Variants in MED12L observed in about 807,000 individuals in gnomAD.
MED12L encodes mediator complex subunit 12L.
A neutral mutation model predicts 281.3 loss-of-function variants in MED12L; 60 were observed. That is an observed-to-expected ratio of 0.21 (90% CI 0.17 to 0.26). The LOEUF (loss-of-function observed/expected upper bound fraction) is 0.26, where lower values mean the gene tolerates loss of function less well. MED12L is among the 10% of genes least tolerant of loss of function. MED12L has a pLI of 1.00. For synonymous variants in MED12L, 974 were observed against 987.2 expected (o/e 0.99, Z 0.25); for missense variants, 2,146 against 2,680.9 (o/e 0.80, Z 4.41).
intron 2 of MED12L, among the ~76,000 whole-genome samples, chr3:151,089,934 A>G (rs546256689): frequency 6.6e-5 from 10 of 152,310 alleles, no homozygotes; most frequent in Admixed American, 3.3e-4. Flanking sequence ...CATCCTGTTC[A>G]GTTCCAAAAT....
chr3:151,355,603 T>G (rs1202200366), intron 18 of MED12L, among the ~76,000 whole-genome samples: 1 of 152,218 alleles, frequency 6.6e-6, no homozygotes, highest in African/African-American at 2.4e-5. Context: ...GCTTTACAAA[T>G]CCATTGATAT....
At chr3:151,250,625 A>G (rs1021233910) in intron 16 of MED12L, among the ~76,000 whole-genome samples, 4 of 152,200 alleles carry the variant, frequency 2.6e-5, no homozygotes, top group African/African-American at 9.6e-5. Context: ...AAGACTGAAT[A>G]ATATTCCGCT....
At chr3:151,343,369 G>A (rs1226699598) in intron 16 of MED12L, among the ~76,000 whole-genome samples, 1 of 152,178 alleles carries the variant, frequency 6.6e-6, no homozygotes, top group South Asian at 2.1e-4. Context: ...GAGATTTGAG[G>A]GATAAAAGAA....
In MED12L at chr3:151,372,880, T is replaced by G. The variant is rs931761472; in HGVS notation, c.3864+114T>G. The G allele has an allele frequency of 5.6e-6, 4 of 710,500 alleles. No homozygotes were observed. The South Asian group carries it at 8.5e-5, about 15-fold the overall frequency. The allele number at this position is 710,500 out of a possible 1,614,324, so 44.0% of individuals were successfully genotyped here. ...GTGGGCCTTTTTTTCTTGCTCACTT[T>G]ATTTCGAAATAATTTTAAGTTTGCT... is the stretch of plus-strand genomic sequence containing the variant. On this transcript the variant is annotated intron_variant, in intron 27 of 44. Transcript: ENST00000687756.
chr3:151,104,703 A>G (rs1455188497), intron 2 of MED12L, among the ~76,000 whole-genome samples: 1 of 152,162 alleles, frequency 6.6e-6, no homozygotes, highest in African/African-American at 2.4e-5. Context: ...AGCAATGGAC[A>G]TTTATTCTCT....
chr3:151,120,728 G>A (rs1713633836), intron 3 of MED12L, among the ~76,000 whole-genome samples: 1 of 152,222 alleles, frequency 6.6e-6, no homozygotes, highest in Admixed American at 6.5e-5. Flanking sequence ...TAGACATTGG[G>A]ACTTGGGAAT....
chr3:151,229,629 C>T (rs2149316477), intron 16 of MED12L, among the ~76,000 whole-genome samples: 1 of 152,156 alleles, frequency 6.6e-6, no homozygotes, highest in South Asian at 2.1e-4. Context: ...CAGGCGCCCA[C>T]CACCATGCCT....
chr3:151,194,890 C>T (rs751957919), intron 16 of MED12L, among the ~76,000 whole-genome samples: 10 of 152,064 alleles, frequency 6.6e-5, no homozygotes, highest in Non-Finnish European at 1.0e-4. Flanking sequence ...TTGGGCCGGG[C>T]GCGGTGGCTC....
intron 42 of MED12L, among the ~76,000 whole-genome samples, chr3:151,414,636 C>T (rs1326188812): frequency 6.6e-6 from 1 of 152,054 alleles, no homozygotes; most frequent in Non-Finnish European, 1.5e-5. Flanking sequence ...TGGAACTGGG[C>T]TTCCCAATTA....
At chr3:151,172,757 G>A (rs1188932338) in intron 11 of MED12L, among the ~76,000 whole-genome samples, 3 of 152,236 alleles carry the variant, frequency 2.0e-5, no homozygotes, top group Non-Finnish European at 4.4e-5. Flanking sequence ...AAATGTGCAT[G>A]GATGGCTTTC....
Position 151,183,984 on chromosome 3 carries a change from A to G in MED12L, c.1495-1346A>G, listed in dbSNP as rs1289210202. Reference sequence around the variant, plus strand: ...TTGACTTTTATATTTTTATGTTCATATAGGTTAGAGTGAATCTGGGCAGAA... The same window carrying G: ...TTGACTTTTATATTTTTATGTTCATGTAGGTTAGAGTGAATCTGGGCAGAA... On this transcript the variant is annotated intron_variant, in intron 11 of 44. Coordinates refer to ENST00000687756, the MANE Select transcript of MED12L (RefSeq NM_001393769.1). 2.6e-5 allele frequency among the ~76,000 whole-genome samples: 4 copies of G among 152,158 alleles called. No homozygotes were observed. In the East Asian group the frequency reaches 7.7e-4, roughly 29 times the overall value.
rs2108502269 is a variant in MED12L at position 151,433,849 on chromosome 3, G to A, written c.*1045G>A. On this transcript the variant is annotated 3_prime_UTR_variant, in exon 45 of 45. Coordinates refer to ENST00000687756, the MANE Select transcript of MED12L (RefSeq NM_001393769.1). The stretch of plus-strand genomic sequence containing the variant: ...ATTATTACTGTCAGTGTCAGTCTTG[G>A]TTGTGTATTGCATATACTGTATTTA... 1 of 152,748 alleles carries A rather than the reference G, an allele frequency of 6.5e-6. No individual in the cohort carries two copies. The highest frequency in any genetic ancestry group is 6.5e-5 in the Admixed American group (1 of 15,298). 9.5% of individuals were successfully genotyped at this position (152,748 alleles called of 1,614,324 possible).
At chr3:151,213,021 C>A (rs142366615) in intron 16 of MED12L, 74 of 191,852 alleles carry the variant, frequency 3.9e-4, no homozygotes, top group African/African-American at 1.7e-3. Context: ...TGGTTATAAA[C>A]TTTAACTTAT....
chr3:151,295,306 G>T (rs549671967), intron 16 of MED12L: 7 of 731,326 alleles, frequency 9.6e-6, no homozygotes, highest in Non-Finnish European at 1.6e-5. Context: ...TGTTATTTCA[G>T]GTGAACTTAA....
At chr3:151,095,152 C>G (rs1720545546) in intron 2 of MED12L, among the ~76,000 whole-genome samples, 1 of 152,128 alleles carries the variant, frequency 6.6e-6, no homozygotes, top group South Asian at 2.1e-4. Context: ...ACTTTTTAAT[C>G]AAATGTAAGG....
chr3:151,391,525 T>C (rs1714227171), intron 38 of MED12L, among the ~76,000 whole-genome samples: 1 of 152,168 alleles, frequency 6.6e-6, no homozygotes, highest in African/African-American at 2.4e-5. Flanking sequence ...TTGGGCCACA[T>C]TGGAAGAAGA....
intron 16 of MED12L, among the ~76,000 whole-genome samples, chr3:151,323,899 T>TG (rs1749279768): frequency 6.6e-6 from 1 of 152,242 alleles, no homozygotes; most frequent in South Asian, 2.1e-4. Context: ...GTGCCACTAT[T>TG]GCACCATTCA....
At position 151,128,116 on chromosome 3, in the gene MED12L, A is replaced by G. The variant is rs1235709926; in HGVS notation, c.556+132A>G. On this transcript the variant is annotated intron_variant, in intron 5 of 44. Transcript: ENST00000687756. ...CGTGGTGAGACTGATTTGCTCGGGT[A>G]TGGATAGGGCAGCTGTTCCTAGTTC... 1.8e-5 allele frequency: 13 copies of G among 735,258 alleles called. No homozygotes were observed. The South Asian group carries it at 1.9e-4, about 11-fold the overall frequency. 45.5% of individuals were successfully genotyped at this position (735,258 alleles called of 1,614,324 possible).
intron 20 of MED12L, among the ~76,000 whole-genome samples, chr3:151,357,630 C>G (rs1056047523): frequency 6.6e-6 from 1 of 152,162 alleles, no homozygotes; most frequent in Non-Finnish European, 1.5e-5. Context: ...AAGTACAAAG[C>G]TAGTCATTTA....
Sources: allele counts gnomAD v4.1 joint callset (sites outside exome capture counted in the v4.1 genomes callset), GRCh38; gene constraint gnomAD v4.1.1; transcripts MANE v1.5; gene names NCBI Gene and HGNC (gene_info 2026-07-23, HGNC 2026-07-21).